The following ASAP1 variants were observed in gnomAD, a reference collection of about 807,000 sequenced individuals.
ASAP1 encodes the protein arf-GAP with SH3 domain, ANK repeat and PH domain-containing protein 1.
Under a neutral mutation model 145.2 loss-of-function variants are expected in ASAP1, and 43 were observed. That is an observed-to-expected ratio of 0.30 (90% CI 0.23 to 0.38). ASAP1 has a LOEUF of 0.38. Ranked by LOEUF, ASAP1 falls within the 10% of genes least tolerant of loss-of-function variation. The pLI is 1.00. For missense variants in ASAP1, 1,018 were observed against 1,355.3 expected (o/e 0.75, Z 3.91); for synonymous variants, 546 against 515.5 (o/e 1.06, Z -0.80).
At chr8:130,209,714 T>C (rs181186287) in intron 5 of ASAP1, among the ~76,000 whole-genome samples, 335 of 148,538 alleles carry the variant, frequency 2.3e-3, no homozygotes, top group African/African-American at 8.3e-3. Context: ...CAAAATATGA[T>C]GGTTGTTTTG....
intron 1 of ASAP1, among the ~76,000 whole-genome samples, chr8:130,417,705 T>G (rs569159298): frequency 6.6e-6 from 1 of 152,092 alleles, no homozygotes; most frequent in Admixed American, 6.5e-5. Flanking sequence ...CTGGCTAGAT[T>G]CAAGGGCTCA....
chr8:130,283,319 G>A lies in ASAP1; in HGVS notation c.187-46325C>T, dbSNP rs561795190. Among the ~76,000 whole-genome samples, 7 of 152,158 alleles carry A rather than the reference G, an allele frequency of 4.6e-5. No homozygotes were observed. In the East Asian group the frequency reaches 5.8e-4, roughly 13 times the overall value. On this transcript the variant is annotated intron_variant, in intron 3 of 29. Transcript: ENST00000518721. ...AAAAACACTGGGTACAGTGGTTCAC[G>A]CCTGTAATCCCAGCACTTTGGGAGG...
intron 12 of ASAP1, among the ~76,000 whole-genome samples, chr8:130,153,332 A>AATATAC (rs2097650650): frequency 1.1e-5 from 1 of 87,512 alleles, no homozygotes; most frequent in African/African-American, 4.4e-5. Flanking sequence ...CTGCTTTTTA[A>AATATAC]ATATATATAT....
intron 3 of ASAP1, among the ~76,000 whole-genome samples, chr8:130,242,287 CTT>C (rs80098648): frequency 1.2e-4 from 13 of 110,910 alleles, no homozygotes; most frequent in African/African-American, 1.0e-4. Context: ...AAAAAAACAA[CTT>C]TTTTTTTTTT....
chr8:130,277,324 A>G (rs746085480), intron 3 of ASAP1, among the ~76,000 whole-genome samples: 34 of 152,230 alleles, frequency 2.2e-4, no homozygotes, highest in Non-Finnish European at 4.7e-4. Context: ...GGCTATAGGC[A>G]ACAGGAGAAA....
At chr8:130,071,263 C>T (rs923142452) in intron 27 of ASAP1, among the ~76,000 whole-genome samples, 11 of 152,050 alleles carry the variant, frequency 7.2e-5, no homozygotes, top group East Asian at 1.9e-4. Flanking sequence ...TGAGCCACTG[C>T]GCCCAACACT....
intron 12 of ASAP1, among the ~76,000 whole-genome samples, chr8:130,154,508 C>T (rs972064051): frequency 6.6e-6 from 1 of 152,092 alleles, no homozygotes; most frequent in Non-Finnish European, 1.5e-5. Flanking sequence ...ACAGTGATTC[C>T]CTAGGCTGGA....
intron 23 of ASAP1, among the ~76,000 whole-genome samples, chr8:130,113,509 C>T (rs528776376): frequency 1.3e-5 from 2 of 152,306 alleles, no homozygotes; most frequent in East Asian, 3.9e-4. Flanking sequence ...TAATTTATTT[C>T]CTCTTAAAGT....
chr8:130,367,733 G>A (rs1370079737), intron 2 of ASAP1, among the ~76,000 whole-genome samples: 2 of 152,174 alleles, frequency 1.3e-5, no homozygotes, highest in African/African-American at 4.8e-5. Context: ...CCCCAGCTCT[G>A]CTTCAAAACG....
chr8:130,417,103 TAC>T (rs959029714), intron 1 of ASAP1, among the ~76,000 whole-genome samples: 1 of 151,760 alleles, frequency 6.6e-6, no homozygotes, highest in African/African-American at 2.4e-5. Flanking sequence ...ACTGCACACA[TAC>T]ACACAGAAGT....
At chr8:130,109,409 T>C (rs1294860710) in intron 24 of ASAP1, among the ~76,000 whole-genome samples, 3 of 152,150 alleles carry the variant, frequency 2.0e-5, no homozygotes, top group Non-Finnish European at 4.4e-5. Flanking sequence ...CTCAGCTAGA[T>C]TCAGAATAAT....
At chr8:130,280,960 A>G (rs1255194412) in intron 3 of ASAP1, among the ~76,000 whole-genome samples, 1 of 152,180 alleles carries the variant, frequency 6.6e-6, no homozygotes, top group Non-Finnish European at 1.5e-5. Flanking sequence ...AAATATGTTT[A>G]CAGATTCACT....
intron 5 of ASAP1, among the ~76,000 whole-genome samples, chr8:130,213,610 A>C (rs2136421329): frequency 6.6e-6 from 1 of 152,328 alleles, no homozygotes; most frequent in South Asian, 2.1e-4. Flanking sequence ...AGACTGGGAG[A>C]GAAGAGGGAA....
At chr8:130,082,266 TC>T (rs1303985181) in intron 25 of ASAP1, among the ~76,000 whole-genome samples, 7 of 152,250 alleles carry the variant, frequency 4.6e-5, no homozygotes, top group African/African-American at 1.4e-4. Flanking sequence ...CAGTATATGT[TC>T]ATGAGCCCAT....
At chr8:130,373,142 A>T (rs1827306956) in intron 2 of ASAP1, among the ~76,000 whole-genome samples, 1 of 145,900 alleles carries the variant, frequency 6.9e-6, no homozygotes, top group Non-Finnish European at 1.5e-5. Flanking sequence ...ACACACACAC[A>T]CACACACAGA....
At chr8:130,424,418 AG>A (rs1829835840) in intron 1 of ASAP1, among the ~76,000 whole-genome samples, 1 of 152,230 alleles carries the variant, frequency 6.6e-6, no homozygotes, top group African/African-American at 2.4e-5. Context: ...CCACTTCCCA[AG>A]AGCCCTTCAG....
chr8:130,097,115 CAGTT>C (rs560074814), intron 24 of ASAP1, among the ~76,000 whole-genome samples: 3 of 99,014 alleles, frequency 3.0e-5, no homozygotes, highest in South Asian at 3.8e-4. Context: ...GACAGAGTGA[CAGTT>C]AGTCTCCAAA....
At chr8:130,390,023 A>C (rs1828201301) in intron 2 of ASAP1, among the ~76,000 whole-genome samples, 1 of 152,200 alleles carries the variant, frequency 6.6e-6, no homozygotes, top group African/African-American at 2.4e-5. Flanking sequence ...GGTTGTTAAA[A>C]TGCAGGTTCC....
At chr8:130,208,585 GGTA>G (rs1449026490) in intron 5 of ASAP1, 11 of 151,990 alleles carry the variant, frequency 7.2e-5, no homozygotes, top group African/African-American at 2.7e-4. Flanking sequence ...AGCTTACAGG[GGTA>G]TAAAGAACGT....
Sources: allele counts gnomAD v4.1 joint callset (sites outside exome capture counted in the v4.1 genomes callset), GRCh38; gene constraint gnomAD v4.1.1; transcripts MANE v1.5; gene names NCBI Gene and HGNC (gene_info 2026-07-23, HGNC 2026-07-21).